The following LINGO2 variants were observed in gnomAD, a reference collection of about 807,000 sequenced individuals.
LINGO2 encodes leucine-rich repeat and immunoglobulin-like domain-containing nogo receptor-interacting protein 2.
In LINGO2, 14 loss-of-function variants were observed where a neutral mutation model predicts 30.6. That is an observed-to-expected ratio of 0.46 (90% CI 0.30 to 0.72). The LOEUF (loss-of-function observed/expected upper bound fraction) is 0.72. LINGO2 is among the 30% of genes least tolerant of loss of function. The pLI is 0.07. For synonymous variants in LINGO2, 317 were observed against 288.5 expected, an observed-to-expected ratio of 1.10 and a Z score of -1.00; for missense variants, 729 against 751.7, an observed-to-expected ratio of 0.97 and a Z score of 0.35.
the LINGO2 span, among the ~76,000 whole-genome samples, chr9:28,835,411 A>T: frequency 6.6e-6 from 1 of 152,236 alleles, no homozygotes. Flanking sequence ...TGTCAAATAT[A>T]GAAATATTAA....
the LINGO2 span, among the ~76,000 whole-genome samples, chr9:28,995,671 T>C: frequency 3.9e-5 from 6 of 152,230 alleles, no homozygotes; most frequent in South Asian, 2.1e-4. Context: ...ACATATACAC[T>C]ATGGAATACT....
chr9:28,915,290 T>C, the LINGO2 span, among the ~76,000 whole-genome samples: 1 of 152,332 alleles, frequency 6.6e-6, no homozygotes, highest in East Asian at 1.9e-4. Flanking sequence ...CACAGTCACT[T>C]CTTCAAGAAA....
chr9:28,931,409 T>A, the LINGO2 span, among the ~76,000 whole-genome samples: 1 of 152,242 alleles, frequency 6.6e-6, no homozygotes, highest in Admixed American at 6.5e-5. Context: ...TCTGCCTCCA[T>A]CTGGGCAGGT....
the LINGO2 span, among the ~76,000 whole-genome samples, chr9:28,782,956 T>C: frequency 1.3e-5 from 2 of 152,158 alleles, no homozygotes; most frequent in Non-Finnish European, 2.9e-5. Flanking sequence ...GTACAGGGTG[T>C]TACTGTACTG....
chr9:29,111,942 A>C, the LINGO2 span, among the ~76,000 whole-genome samples: 1 of 67,876 alleles, frequency 1.5e-5, no homozygotes, highest in South Asian at 5.0e-4. Flanking sequence ...TATATAATGT[A>C]TTTAATCTTT....
At chr9:28,257,389 G>C (rs1035992203) in intron 4 of LINGO2, among the ~76,000 whole-genome samples, 2 of 151,774 alleles carry the variant, frequency 1.3e-5, no homozygotes, top group African/African-American at 2.4e-5. Context: ...GACCATTCCA[G>C]TCCGCAGGAG....
At chr9:28,775,344 T>C in the LINGO2 span, among the ~76,000 whole-genome samples, 1 of 152,220 alleles carries the variant, frequency 6.6e-6, no homozygotes, top group Non-Finnish European at 1.5e-5. Context: ...TCTTTCCATT[T>C]GTGAATCTCA....
intron 3 of LINGO2, among the ~76,000 whole-genome samples, chr9:28,307,901 C>T (rs1824436040): frequency 6.6e-6 from 1 of 152,060 alleles, no homozygotes; most frequent in African/African-American, 2.4e-5. Flanking sequence ...TCAAGGAGAA[C>T]TACAAACCAC....
In LINGO2 at chr9:28,297,198, T is replaced by C. The variant is rs576729225; in HGVS notation, c.-245-1832A>G. Among the ~76,000 whole-genome samples the C allele has an allele frequency of 2.0e-5, 3 of 152,272 alleles. No individual in the cohort carries two copies. The South Asian group carries it at 6.2e-4, about 32-fold the overall frequency. ...CATACTTTGGTTCTGCCACTTATTA[T>C]AAAAAAAGTGAAAATAAGTCAGTAT... On this transcript the variant is annotated intron_variant, in intron 3 of 5. Transcript: ENST00000379992.
chr9:28,316,352 T>C (rs1824846182), intron 3 of LINGO2, among the ~76,000 whole-genome samples: 1 of 152,116 alleles, frequency 6.6e-6, no homozygotes, highest in African/African-American at 2.4e-5. Context: ...GATAAGGCAA[T>C]ATGTTTTATG....
At chr9:28,838,198 C>T in the LINGO2 span, among the ~76,000 whole-genome samples, 1 of 152,060 alleles carries the variant, frequency 6.6e-6, no homozygotes, top group South Asian at 2.1e-4. Flanking sequence ...CATGATATTA[C>T]AATAGATAAA....
intron 4 of LINGO2, among the ~76,000 whole-genome samples, chr9:28,109,413 T>C (rs1420344821): frequency 6.6e-6 from 1 of 151,988 alleles, no homozygotes; most frequent in Non-Finnish European, 1.5e-5. Context: ...GGCAATAGAA[T>C]GAAATAATGG....
chr9:28,633,425 C>T (rs1827097096), intron 1 of LINGO2, among the ~76,000 whole-genome samples: 2 of 151,616 alleles, frequency 1.3e-5, no homozygotes, highest in Non-Finnish European at 2.9e-5. Flanking sequence ...GAATAAATTT[C>T]CAAAAAAATA....
chr9:28,563,927 G>C (rs957658447), intron 1 of LINGO2, among the ~76,000 whole-genome samples: 2 of 152,044 alleles, frequency 1.3e-5, no homozygotes, highest in Non-Finnish European at 2.9e-5. Context: ...GCATAACAAT[G>C]AGCTAGCATG....
At chr9:29,001,134 C>T in the LINGO2 span, among the ~76,000 whole-genome samples, 1 of 151,682 alleles carries the variant, frequency 6.6e-6, no homozygotes, top group Non-Finnish European at 1.5e-5. Flanking sequence ...AAGTAGACTG[C>T]AGTGTTGAAA....
At chr9:28,654,085 C>A (rs2135984001) in intron 1 of LINGO2, among the ~76,000 whole-genome samples, 1 of 152,084 alleles carries the variant, frequency 6.6e-6, no homozygotes, top group South Asian at 2.1e-4. Flanking sequence ...TTCTTAGTTG[C>A]CTATCTTATT....
chr9:28,785,588 ACTGT>A, the LINGO2 span, among the ~76,000 whole-genome samples: 4 of 152,088 alleles, frequency 2.6e-5, no homozygotes, highest in Non-Finnish European at 5.9e-5. Context: ...CCCTAGCAAC[ACTGT>A]CTGACACACA....
intron 1 of LINGO2, among the ~76,000 whole-genome samples, chr9:28,526,965 C>T (rs1587808080): frequency 6.6e-6 from 1 of 151,968 alleles, no homozygotes; most frequent in Non-Finnish European, 1.5e-5. Context: ...AAAGAATGAG[C>T]CATCTTTTTA....
rs552030501 is a variant in LINGO2 at position 28,077,784 on chromosome 9, A to G, written c.-86-65379T>C. Among the ~76,000 whole-genome samples the G allele has an allele frequency of 7.4e-4, 108 of 145,290 alleles. 22 individuals are homozygous for G. Among genetic ancestry groups the G allele is most frequent in the African/African-American group, 2.9e-3 (103 of 35,532 alleles). ...TTTATTATTTGATATGGTTGTAAAA[A>G]AAGAAAGAGAAGAAAGAAGAAAGAA... is the stretch of plus-strand genomic sequence containing the variant. On this transcript the variant is annotated intron_variant, in intron 4 of 5. Coordinates refer to ENST00000379992, the Ensembl canonical transcript of LINGO2.
Sources: gnomAD v4.1 joint callset for allele counts (sites outside exome capture counted in the v4.1 genomes callset) on GRCh38, gnomAD v4.1.1 for gene constraint, MANE v1.5 for transcripts, NCBI Gene and HGNC (gene_info 2026-07-23, HGNC 2026-07-21) for gene names.